The following DPP10 variants were observed in gnomAD, a reference collection of about 807,000 sequenced individuals.
The protein encoded by DPP10 is dipeptidyl peptidase like 10, also known as inactive dipeptidyl peptidase 10.
In DPP10, 33 loss-of-function variants were observed where a neutral mutation model predicts 120.9. The observed-to-expected ratio is 0.27, with a 90% CI of 0.21 to 0.37. The LOEUF is 0.37. DPP10 is among the 10% of genes least tolerant of loss of function. DPP10 has a pLI of 1.00. For missense variants in DPP10, 816 were observed against 942.8 expected, an observed-to-expected ratio of 0.87 and a Z score of 1.76; for synonymous variants, 337 against 326.1, an observed-to-expected ratio of 1.03 and a Z score of -0.36.
At position 115,836,137 on chromosome 2, in the gene DPP10, TATA is replaced by T; in HGVS notation, c.1951-19_1951-17del. 8.1e-7 allele frequency: 1 copy of T among 1,241,194 alleles called. No individual in the cohort carries two copies. The highest frequency in any genetic ancestry group is 1.6e-5 in the South Asian group (1 of 63,726). The allele number at this position is 1,241,194 out of a possible 1,614,324, so 76.9% of individuals were successfully genotyped here. On this transcript the variant is annotated splice_polypyrimidine_tract_variant and intron_variant, in intron 21 of 25. Transcript: ENST00000410059. ...TGTGTGAGATATATATATATATATA[TATA>T]TATTTTTCCCCCCCAGGGTTATGGT... is the stretch of plus-strand genomic sequence containing the variant.
In DPP10 at chr2:115,843,554, AT is replaced by A. The variant is rs995873784; in HGVS notation, c.*1215del. On this transcript the variant is annotated 3_prime_UTR_variant, in exon 26 of 26. Coordinates refer to ENST00000410059, the MANE Select transcript of DPP10 (RefSeq NM_020868.6). ...TTCTGGTGAGAATTAGAAATGAAAT[AT>A]TTTTTATTCATTGGCCAAAAAGTTC... 6.6e-6 allele frequency: 1 copy of A among 152,158 alleles called. No individual in the cohort carries two copies. Among genetic ancestry groups the A allele is most frequent in the East Asian group, 1.9e-4 (1 of 5,196 alleles). The allele number at this position is 152,158 out of a possible 1,614,324, so 9.4% of individuals were successfully genotyped here. A position where few individuals can be genotyped will look rare whatever the true frequency, so the allele number is the denominator to read the frequency against.
intron 3 of DPP10, among the ~76,000 whole-genome samples, chr2:115,345,777 C>T (rs1489442362): frequency 6.6e-6 from 1 of 152,066 alleles, no homozygotes; most frequent in Non-Finnish European, 1.5e-5. Flanking sequence ...AAACATATTT[C>T]AATATGTAGG....
chr2:115,001,458 G>T (rs1181282905), intron 1 of DPP10, among the ~76,000 whole-genome samples: 1 of 152,064 alleles, frequency 6.6e-6, no homozygotes, highest in Non-Finnish European at 1.5e-5. Context: ...ATGGGCAAAA[G>T]CTGGAAGCAT....
At chr2:115,660,202 T>G (rs2088797951) in intron 5 of DPP10, among the ~76,000 whole-genome samples, 3 of 152,206 alleles carry the variant, frequency 2.0e-5, no homozygotes, top group Admixed American at 2.0e-4. Flanking sequence ...ACAGCCACAT[T>G]ACAGATCTAT....
intron 5 of DPP10, among the ~76,000 whole-genome samples, chr2:115,655,869 A>G (rs555136597): frequency 8.2e-4 from 124 of 151,790 alleles, no homozygotes; most frequent in African/African-American, 2.9e-3. Flanking sequence ...GGAAGACTGA[A>G]TGAGAAGGAG....
chr2:115,823,518 C>G (rs988182270), intron 21 of DPP10, among the ~76,000 whole-genome samples: 3 of 152,068 alleles, frequency 2.0e-5, no homozygotes, highest in Non-Finnish European at 4.4e-5. Context: ...GGCATTAGAA[C>G]GAAAGGTCAA....
At chr2:114,592,674 A>C (rs900700060) in intron 1 of DPP10, among the ~76,000 whole-genome samples, 1 of 152,192 alleles carries the variant, frequency 6.6e-6, no homozygotes. Flanking sequence ...TGAAAAAAAA[A>C]CCCTCAAAAC....
intron 3 of DPP10, among the ~76,000 whole-genome samples, chr2:115,489,747 A>G (rs907185297): frequency 1.7e-4 from 26 of 152,062 alleles, no homozygotes; most frequent in African/African-American, 5.8e-4. Context: ...ATGGCCCCAC[A>G]AAACCATCTT....
At chr2:115,027,791 T>G (rs1271162093) in intron 1 of DPP10, among the ~76,000 whole-genome samples, 1 of 152,140 alleles carries the variant, frequency 6.6e-6, no homozygotes, top group African/African-American at 2.4e-5. Context: ...ATCTTGTTAC[T>G]CATTATTGGT....
At chr2:115,005,059 C>T (rs1050960112) in intron 1 of DPP10, among the ~76,000 whole-genome samples, 3 of 151,952 alleles carry the variant, frequency 2.0e-5, no homozygotes, top group Non-Finnish European at 4.4e-5. Context: ...GGTCCCTGAC[C>T]CCTGACCCCC....
At chr2:114,933,161 C>T (rs1270255954) in intron 1 of DPP10, among the ~76,000 whole-genome samples, 1 of 152,190 alleles carries the variant, frequency 6.6e-6, no homozygotes, top group Non-Finnish European at 1.5e-5. Context: ...AATGGTGTTG[C>T]TCTTAGGGAG....
intron 3 of DPP10, among the ~76,000 whole-genome samples, chr2:115,420,458 C>T (rs1339360262): frequency 6.6e-6 from 1 of 152,152 alleles, no homozygotes; most frequent in Non-Finnish European, 1.5e-5. Flanking sequence ...CTATAGATAG[C>T]TTCAGATTTA....
chr2:114,806,447 T>A (rs1271034808), intron 1 of DPP10, among the ~76,000 whole-genome samples: 1 of 152,204 alleles, frequency 6.6e-6, no homozygotes, highest in African/African-American at 2.4e-5. Context: ...CCATTTTGAT[T>A]TATTCTCAGA....
At chr2:115,411,309 G>T (rs2068938817) in intron 3 of DPP10, among the ~76,000 whole-genome samples, 1 of 151,988 alleles carries the variant, frequency 6.6e-6, no homozygotes, top group South Asian at 2.1e-4. Flanking sequence ...TTCAGTCTGG[G>T]CAACAGAGTG....
At chr2:115,123,829 G>T (rs976380701) in intron 1 of DPP10, among the ~76,000 whole-genome samples, 1 of 151,958 alleles carries the variant, frequency 6.6e-6, no homozygotes, top group African/African-American at 2.4e-5. Flanking sequence ...GTTAATAGAC[G>T]TTTGCCCCAA....
At chr2:115,197,339 C>T (rs956363699) in intron 1 of DPP10, among the ~76,000 whole-genome samples, 4 of 151,532 alleles carry the variant, frequency 2.6e-5, no homozygotes, top group Non-Finnish European at 5.9e-5. Flanking sequence ...TTGCAGTGAG[C>T]CGAGATCATG....
chr2:114,600,778 C>T (rs976881863), intron 1 of DPP10, among the ~76,000 whole-genome samples: 1 of 151,862 alleles, frequency 6.6e-6, no homozygotes, highest in Non-Finnish European at 1.5e-5. Flanking sequence ...TACACATGAT[C>T]ATGAAAAGCA....
At chr2:114,501,313 A>C (rs1683158901) in intron 1 of DPP10, among the ~76,000 whole-genome samples, 1 of 152,210 alleles carries the variant, frequency 6.6e-6, no homozygotes, top group South Asian at 2.1e-4. Context: ...TCCAAGTAGC[A>C]ATGGTGAGTG....
intron 3 of DPP10, among the ~76,000 whole-genome samples, chr2:115,464,816 G>A (rs1329147485): frequency 1.3e-5 from 2 of 152,084 alleles, no homozygotes; most frequent in African/African-American, 4.8e-5. Context: ...AGCTAGAGGA[G>A]GGAGAGAGAA....
Sources: gnomAD v4.1 joint callset for allele counts (sites outside exome capture counted in the v4.1 genomes callset) on GRCh38, gnomAD v4.1.1 for gene constraint, MANE v1.5 for transcripts, NCBI Gene and HGNC (gene_info 2026-07-23, HGNC 2026-07-21) for gene names.